The following PLTP variants were observed in gnomAD, a reference collection of about 807,000 sequenced individuals.
The protein encoded by PLTP is BPI fold containing family E.
A neutral mutation model predicts 54.1 loss-of-function variants in PLTP; 43 were observed. The ratio of observed to expected loss-of-function variants is 0.79; its 90% CI spans 0.62 to 1.02. PLTP has a LOEUF of 1.02. PLTP is among the 50% of genes least tolerant of loss of function. PLTP has a pLI of 0.00. For missense variants in PLTP, 604 were observed against 645.9 expected, an observed-to-expected ratio of 0.94 and a Z score of 0.70; for synonymous variants, 263 against 264.6, an observed-to-expected ratio of 0.99 and a Z score of 0.06.
At chr20:45,910,813 AACTCCACCCCGTGCCCGAG>A in intron 3 of PLTP, 2 of 1,221,566 alleles carry the variant, frequency 1.6e-6, no homozygotes, top group Admixed American at 7.1e-5. Flanking sequence ...CCCTCCGATT[AACTCCACCCCGTGCCCGAG>A]ACTCCACTCT....
chr20:45,911,013 TTTC>T, intron 3 of PLTP, 136 bp downstream of exon 3: 1 of 1,579,120 alleles, frequency 6.3e-7, no homozygotes, highest in Non-Finnish European at 8.6e-7. Context: ...CCCCATCCGG[TTTC>T]TTAAGTCTTG....
intron 10 of PLTP, among the ~76,000 whole-genome samples, chr20:45,903,678 ATAT>A (rs1369609115): frequency 6.6e-6 from 1 of 152,080 alleles, no homozygotes; most frequent in Non-Finnish European, 1.5e-5. Flanking sequence ...TGTGAGGCCG[ATAT>A]TATTACTGCC....
Position 45,911,270 on chromosome 20 carries a change from CCTTA to C in PLTP, c.101-23_101-20del. On this transcript the variant is annotated intron_variant, in intron 2 of 15. Coordinates refer to ENST00000372431, the MANE Select transcript of PLTP (RefSeq NM_006227.4). ...TGCTTCACTGAAGCAGCAGAGAAAC[CCTTA>C]CTTAGCTCCCGTGCCCACTGTTGGG... 3 of 1,613,750 alleles carry C rather than the reference CCTTA, an allele frequency of 1.9e-6. No homozygotes were observed. The highest frequency in any genetic ancestry group is 2.5e-6 in the Non-Finnish European group (3 of 1,179,644).
intron 10 of PLTP, among the ~76,000 whole-genome samples, chr20:45,904,137 GGAT>G (rs1226828454): frequency 6.6e-6 from 1 of 152,156 alleles, no homozygotes; most frequent in African/African-American, 2.4e-5. Context: ...GCCATAAATT[GGAT>G]GATGATAATG....
intron 3 of PLTP, 116 bp from the exon 4 acceptor site, chr20:45,910,186 A>G: frequency 8.6e-7 from 1 of 1,165,544 alleles, no homozygotes; most frequent in Admixed American, 1.8e-5. Context: ...AGTGGGTGGA[A>G]TGAATTCTTC....
intron 15 of PLTP, 48 bp downstream of exon 15, chr20:45,899,414 A>G (rs748990759): frequency 6.3e-7 from 1 of 1,580,882 alleles, no homozygotes; most frequent in East Asian, 2.2e-5. Flanking sequence ...GGGGAGCTAT[A>G]GAGAGAGGGG....
chr20:45,900,098 CTTTTTTTTTTTTTTT>C (rs71181874), intron 12 of PLTP, among the ~76,000 whole-genome samples: 6 of 55,702 alleles, frequency 1.1e-4, no homozygotes, highest in Admixed American at 2.7e-4. Flanking sequence ...TTGAGCACCT[CTTTTTTTTTTTTTTT>C]TTTTTTTTTT....
chr20:45,904,432 C>T (rs962673535), intron 10 of PLTP, among the ~76,000 whole-genome samples: 2 of 151,932 alleles, frequency 1.3e-5, no homozygotes, highest in Admixed American at 1.3e-4. Flanking sequence ...CACTGCATTC[C>T]AACTTGGGTG....
chr20:45,907,766 G>A lies in PLTP; in HGVS notation c.550-11C>T, dbSNP rs776641533. 2 of 1,613,190 alleles carry A rather than the reference G, an allele frequency of 1.2e-6. No individual in the cohort carries two copies. The highest frequency in any genetic ancestry group is 8.5e-7 in the Non-Finnish European group (1 of 1,179,788). On this transcript the variant is annotated splice_polypyrimidine_tract_variant and intron_variant, in intron 6 of 15. Coordinates refer to ENST00000372431, the MANE Select transcript of PLTP (RefSeq NM_006227.4). ...GAGGACAGGGCAGATCTGCGAGGTG[G>A]GAGCCAGAGTCAGGGCCTTCTCAAA... is the stretch of plus-strand genomic sequence containing the variant.
chr20:45,904,986 A>T lies in PLTP; in HGVS notation c.838T>A (p.Tyr280Asn). 1 of 1,614,226 alleles carries T rather than the reference A, an allele frequency of 6.2e-7. No homozygotes were observed. Among genetic ancestry groups the T allele is most frequent in the South Asian group, 1.1e-5 (1 of 91,086 alleles). The change falls in exon 9 of 16, where the codon TAC becomes AAC. Residue 280 changes from tyrosine to asparagine, a missense_variant. Transcript: ENST00000372431. The part of the protein sequence containing the change: ...EFFFDSAMES[Y>N]FRAGALQLLL... ...AGCTGCAGGGCCCCCGCCCGGAAGT[A>T]GCTCTCCATGGCAGAGTCGAAGAAG...
intron 10 of PLTP, among the ~76,000 whole-genome samples, chr20:45,903,582 A>G (rs2083207792): frequency 1.3e-5 from 2 of 152,172 alleles, no homozygotes; most frequent in African/African-American, 2.4e-5. Flanking sequence ...GTGAAGGAAT[A>G]CTATAAGATG....
chr20:45,901,429 C>A (rs547601223), intron 12 of PLTP, among the ~76,000 whole-genome samples: 12 of 152,060 alleles, frequency 7.9e-5, no homozygotes, highest in African/African-American at 2.9e-4. Context: ...GAGACCCCAT[C>A]TCTACAAAAA....
chr20:45,908,962 A>ATTT (rs772186266), intron 5 of PLTP, among the ~76,000 whole-genome samples: 76 of 117,970 alleles, frequency 6.4e-4, no homozygotes, highest in Middle Eastern at 4.5e-3. Flanking sequence ...GCTGTTCTAA[A>ATTT]TTTTTTTTTT....
chr20:45,907,799 C>A (rs753246260), intron 6 of PLTP, 42 bp downstream of exon 6: 3 of 1,609,380 alleles, frequency 1.9e-6, no homozygotes, highest in African/African-American at 1.3e-5. Flanking sequence ...AAAGTGAGAG[C>A]ATGCCCACCC....
At chr20:45,909,303 C>T (rs1444379122) in intron 5 of PLTP, among the ~76,000 whole-genome samples, 3 of 152,050 alleles carry the variant, frequency 2.0e-5, no homozygotes, top group Admixed American at 2.0e-4. Context: ...ACAAATAATC[C>T]TGACAACGAT....
intron 1 of PLTP, 111 bp from the exon 2 acceptor site, chr20:45,911,574 C>T (rs2083294342): frequency 6.9e-7 from 1 of 1,439,278 alleles, no homozygotes; most frequent in Non-Finnish European, 9.5e-7. Flanking sequence ...GATAACTCTT[C>T]GGGGAACTTG....
intron 1 of PLTP, chr20:45,911,716 C>G (rs1182831916): frequency 1.8e-6 from 1 of 569,264 alleles, no homozygotes. Flanking sequence ...CGTGCTACCG[C>G]CGCGTGATGA....
In PLTP at chr20:45,907,040, A is replaced by G. The variant is rs1220276148; in HGVS notation, c.613+652T>C. On this transcript the variant is annotated intron_variant, in intron 7 of 15. Transcript: ENST00000372431. ...CAGAGGTCATGGCTTAGAAAAAGGG[A>G]ATTCATGGCCAGGCACAGTGGCTCA... Among the ~76,000 whole-genome samples, 2 of 127,906 alleles carry G rather than the reference A, an allele frequency of 1.6e-5. 1 individual carries two copies. Among genetic ancestry groups the G allele is most frequent in the African/African-American group, 5.1e-5 (2 of 39,406 alleles). The allele number at this position is 127,906 out of a possible 152,430, so 83.9% of individuals were successfully genotyped here. A position where few individuals can be genotyped will look rare whatever the true frequency, so the allele number is the denominator to read the frequency against.
chr20:45,911,525 C>A, intron 1 of PLTP, 62 bp from the exon 2 acceptor site: 2 of 1,593,880 alleles, frequency 1.3e-6, no homozygotes, highest in South Asian at 2.2e-5. Flanking sequence ...CTTGGACGTC[C>A]AACCATAAGT....
Sources: allele counts gnomAD v4.1 joint callset (sites outside exome capture counted in the v4.1 genomes callset), GRCh38; gene constraint gnomAD v4.1.1; transcripts MANE v1.5; gene names NCBI Gene and HGNC (gene_info 2026-07-23, HGNC 2026-07-21).